DGKI: variants seen among roughly 807,000 people sequenced by gnomAD.
DGKI encodes the protein diacylglycerol kinase iota.
Under a neutral mutation model 147.5 loss-of-function variants are expected in DGKI, and 55 were observed. That is an observed-to-expected ratio of 0.37 (90% CI 0.30 to 0.47). The LOEUF (loss-of-function observed/expected upper bound fraction) is 0.47. DGKI is among the 20% of genes least tolerant of loss of function. The pLI, the probability that DGKI is intolerant of heterozygous loss-of-function variation, is 1.00. For synonymous variants in DGKI, 469 were observed against 477.1 expected (o/e 0.98, Z 0.22); for missense variants, 1,007 against 1,323.8 (o/e 0.76, Z 3.71).
chr7:137,787,927 A>G (rs568846931), intron 1 of DGKI, among the ~76,000 whole-genome samples: 19 of 152,228 alleles, frequency 1.2e-4, no homozygotes, highest in African/African-American at 4.6e-4. Flanking sequence ...AAGACTACAC[A>G]TTGGGTACAG....
intron 20 of DGKI, among the ~76,000 whole-genome samples, chr7:137,528,888 T>C (rs997562176): frequency 6.6e-6 from 1 of 152,154 alleles, no homozygotes; most frequent in African/African-American, 2.4e-5. Context: ...CTCTATTTAT[T>C]AGCCCATCTA....
chr7:137,427,384 G>A (rs1812862257), intron 28 of DGKI, among the ~76,000 whole-genome samples: 1 of 152,092 alleles, frequency 6.6e-6, no homozygotes, highest in South Asian at 2.1e-4. Flanking sequence ...CAGAATCTCT[G>A]GGACACATTC....
chr7:137,800,447 A>G (rs893167536), intron 1 of DGKI, among the ~76,000 whole-genome samples: 2 of 151,328 alleles, frequency 1.3e-5, no homozygotes, highest in East Asian at 3.9e-4. Context: ...CCTCCCCCCA[A>G]CTCTCAGTTT....
intron 27 of DGKI, among the ~76,000 whole-genome samples, chr7:137,444,897 T>A (rs756473831): frequency 6.6e-6 from 1 of 152,184 alleles, no homozygotes; most frequent in Non-Finnish European, 1.5e-5. Flanking sequence ...TATTCTTTTC[T>A]GAGGAGAAAG....
chr7:137,457,043 T>C (rs1814232274), intron 27 of DGKI, among the ~76,000 whole-genome samples: 1 of 152,116 alleles, frequency 6.6e-6, no homozygotes, highest in Admixed American at 6.5e-5. Flanking sequence ...ATTCACCAAG[T>C]CATTTCAAAC....
intron 20 of DGKI, among the ~76,000 whole-genome samples, chr7:137,532,406 T>C (rs1817371715): frequency 6.6e-6 from 1 of 152,200 alleles, no homozygotes; most frequent in Admixed American, 6.5e-5. Context: ...TATGAAACAA[T>C]GTATATACTC....
intron 3 of DGKI, among the ~76,000 whole-genome samples, chr7:137,661,708 C>T (rs1395186819): frequency 6.6e-6 from 1 of 152,206 alleles, no homozygotes; most frequent in Non-Finnish European, 1.5e-5. Context: ...CCTCCTCCCC[C>T]TTCTCCTTCC....
At chr7:137,413,259 C>T (rs2128901890) in intron 28 of DGKI, among the ~76,000 whole-genome samples, 1 of 117,088 alleles carries the variant, frequency 8.5e-6, no homozygotes, top group South Asian at 2.8e-4. Flanking sequence ...GAGTGAGACT[C>T]CATCTCAAAA....
intron 7 of DGKI, among the ~76,000 whole-genome samples, chr7:137,620,310 A>C (rs1405984960): frequency 1.3e-5 from 2 of 152,118 alleles, no homozygotes; most frequent in Non-Finnish European, 2.9e-5. Flanking sequence ...GGGTTCTATT[A>C]ATCCTGATTT....
At position 137,697,737 on chromosome 7, in the gene DGKI, G is replaced by A. The variant is rs566748626; in HGVS notation, c.402-7735C>T. Among the ~76,000 whole-genome samples, 18 of 152,094 alleles carry A rather than the reference G, an allele frequency of 1.2e-4. 1 individual carries two copies. The South Asian group carries it at 3.5e-3, about 30-fold the overall frequency. On this transcript the variant is annotated intron_variant, in intron 1 of 32. Transcript: ENST00000614521. The stretch of plus-strand genomic sequence containing the variant: ...TAGTACCCAAGAGTATCAGATGAGA[G>A]TCAATTACTAAATAAAAAGATTCTG...
chr7:137,496,620 G>C (rs1815975752), intron 21 of DGKI, among the ~76,000 whole-genome samples: 1 of 151,864 alleles, frequency 6.6e-6, no homozygotes, highest in African/African-American at 2.4e-5. Context: ...AAATCAAACA[G>C]AATAGAGAGT....
At chr7:137,797,285 A>G (rs779458362) in intron 1 of DGKI, among the ~76,000 whole-genome samples, 2 of 152,202 alleles carry the variant, frequency 1.3e-5, no homozygotes, top group Non-Finnish European at 2.9e-5. Flanking sequence ...GATCCATCCT[A>G]CAAGAAATAC....
intron 6 of DGKI, among the ~76,000 whole-genome samples, chr7:137,632,098 A>G (rs1367943878): frequency 6.6e-6 from 1 of 152,220 alleles, no homozygotes; most frequent in East Asian, 1.9e-4. Context: ...TTACTGTAAG[A>G]TTGAAGTTGC....
intron 20 of DGKI, among the ~76,000 whole-genome samples, chr7:137,525,844 T>A (rs1817125192): frequency 6.6e-6 from 1 of 152,226 alleles, no homozygotes; most frequent in Non-Finnish European, 1.5e-5. Context: ...TTAGAGCACA[T>A]GAAGGAACCT....
chr7:137,386,758 A>C lies in DGKI; in HGVS notation c.*4462T>G, dbSNP rs1220814598. 6.6e-6 allele frequency: 1 copy of C among 152,120 alleles called. No individual in the cohort carries two copies. Among genetic ancestry groups the C allele is most frequent in the Non-Finnish European group, 1.5e-5 (1 of 68,008 alleles). 9.4% of individuals were successfully genotyped at this position (152,120 alleles called of 1,614,324 possible). On this transcript the variant is annotated 3_prime_UTR_variant, in exon 33 of 33. Coordinates refer to ENST00000614521, the MANE Select transcript of DGKI (RefSeq NM_001321708.2). ...GCAGAGAAGGACCTGTAGGACTTCTAATCAGCTGAGTATGAGATTCAGAGT... is the reference window on the plus strand; with the variant it reads ...GCAGAGAAGGACCTGTAGGACTTCTCATCAGCTGAGTATGAGATTCAGAGT...
chr7:137,801,766 A>G (rs1056634153), intron 1 of DGKI, among the ~76,000 whole-genome samples: 4 of 152,120 alleles, frequency 2.6e-5, no homozygotes, highest in African/African-American at 9.7e-5. Context: ...GGATTAGTAA[A>G]TGTTCTGGAA....
intron 3 of DGKI, among the ~76,000 whole-genome samples, chr7:137,665,184 T>C (rs1313032755): frequency 6.6e-6 from 1 of 152,014 alleles, no homozygotes; most frequent in African/African-American, 2.4e-5. Context: ...GAATAAGAAA[T>C]TCAAGGGTCA....
intron 23 of DGKI, among the ~76,000 whole-genome samples, chr7:137,482,493 G>A (rs964198321): frequency 6.6e-6 from 1 of 151,524 alleles, no homozygotes; most frequent in Non-Finnish European, 1.5e-5. Flanking sequence ...TCTATCTCTG[G>A]GCCTGAATTT....
chr7:137,846,662 G>A lies in DGKI; in HGVS notation c.201C>T (p.Gly67=). The A allele has an allele frequency of 1.9e-6, 2 of 1,069,434 alleles. No homozygotes were observed. Among genetic ancestry groups the A allele is most frequent in the Non-Finnish European group, 2.3e-6 (2 of 883,010 alleles). The allele number at this position is 1,069,434 out of a possible 1,614,324, so 66.2% of individuals were successfully genotyped here. A position where few individuals can be genotyped will look rare whatever the true frequency, so the allele number is the denominator to read the frequency against. The change falls in exon 1 of 33, where the codon GGC becomes GGT. Residue 67 remains glycine (G), a synonymous_variant. Coordinates refer to ENST00000614521, the MANE Select transcript of DGKI (RefSeq NM_001321708.2). This position sits in a 1 kb window ranked among gnomAD's most constrained non-coding sequence, Gnocchi z 4.0. Reference sequence around the variant, plus strand: ...CGCCGCTTCCGCTGCTGCTGCTGCCGCCCGTCGCCCCTTTCTCCTCTCCCG... The same window carrying A: ...CGCCGCTTCCGCTGCTGCTGCTGCCACCCGTCGCCCCTTTCTCCTCTCCCG... ...SSAGEEKGAT[G]GSSSSGSGAG...
Sources: allele counts gnomAD v4.1 joint callset (sites outside exome capture counted in the v4.1 genomes callset), GRCh38; gene constraint gnomAD v4.1.1; non-coding constraint Gnocchi (gnomAD v3.1); transcripts MANE v1.5; gene names NCBI Gene and HGNC (gene_info 2026-07-23, HGNC 2026-07-21).